Variants in ADCK1 observed in about 807,000 individuals in gnomAD.
ADCK1 encodes aarF domain containing kinase 1.
A neutral mutation model predicts 52.3 loss-of-function variants in ADCK1; 41 were observed. That is an observed-to-expected ratio of 0.78 (90% CI 0.61 to 1.02). The LOEUF (loss-of-function observed/expected upper bound fraction) is 1.02, where lower values mean the gene tolerates loss of function less well. Among genes scored for constraint, ADCK1 ranks in the 50% least tolerant of loss-of-function variants. ADCK1 has a pLI of 0.00. For missense variants in ADCK1, 658 were observed against 679.5 expected (o/e 0.97, Z 0.35); for synonymous variants, 250 against 274.6 (o/e 0.91, Z 0.89).
intron 3 of ADCK1, among the ~76,000 whole-genome samples, chr14:77,839,531 C>A (rs540779818): frequency 3.7e-4 from 56 of 152,224 alleles, no homozygotes; most frequent in African/African-American, 1.3e-3. Flanking sequence ...GTGACCCCAA[C>A]CCTCCCCGTG....
intron 4 of ADCK1, among the ~76,000 whole-genome samples, chr14:77,885,014 A>G (rs190003860): frequency 7.9e-5 from 12 of 152,346 alleles, no homozygotes; most frequent in South Asian, 2.1e-4. Context: ...AGTTGATTCA[A>G]TTCTTCTCCA....
intron 4 of ADCK1, among the ~76,000 whole-genome samples, chr14:77,870,835 C>T (rs538251383): frequency 6.6e-6 from 1 of 152,318 alleles, no homozygotes; most frequent in South Asian, 2.1e-4. Flanking sequence ...AACTCGTGGC[C>T]TTCCCTCTCT....
At chr14:77,914,212 C>T (rs10147707) in intron 7 of ADCK1, 18,413 of 164,374 alleles carry the variant, frequency 0.11, 1,138 homozygotes, top group Middle Eastern at 0.13. Context: ...CAGTAGCTCC[C>T]TGCAGCAAAC....
chr14:77,878,739 C>T (rs1428535057), intron 4 of ADCK1, among the ~76,000 whole-genome samples: 3 of 152,184 alleles, frequency 2.0e-5, no homozygotes, highest in Non-Finnish European at 4.4e-5. Context: ...ATCTCTGTTA[C>T]AGGCAGGGAC....
At chr14:77,846,233 A>G (rs2082171253) in intron 3 of ADCK1, among the ~76,000 whole-genome samples, 1 of 152,136 alleles carries the variant, frequency 6.6e-6, no homozygotes, top group African/African-American at 2.4e-5. Flanking sequence ...CTGGACTTCA[A>G]TAGCCAGCTG....
intron 3 of ADCK1, among the ~76,000 whole-genome samples, chr14:77,824,436 CTTTT>C (rs755099441): frequency 1.5e-5 from 2 of 133,956 alleles, no homozygotes; most frequent in Admixed American, 7.5e-5. Context: ...TTCTTTCTTT[CTTTT>C]TTTTTTTTTT....
chr14:77,924,333 C>A (rs143174043), intron 7 of ADCK1, 124 bp from the exon 8 acceptor site: 2 of 1,292,996 alleles, frequency 1.5e-6, no homozygotes, highest in South Asian at 1.5e-5. Flanking sequence ...CCCACCACAA[C>A]CGCTCCGGCC....
At chr14:77,914,619 G>A (rs2083874354) in intron 7 of ADCK1, 4 of 983,002 alleles carry the variant, frequency 4.1e-6, no homozygotes, top group Non-Finnish European at 4.8e-6. Context: ...TCAAAGTTAG[G>A]GCCCCTGAGA....
At chr14:77,867,715 CT>C (rs1311668527) in intron 4 of ADCK1, among the ~76,000 whole-genome samples, 3 of 152,212 alleles carry the variant, frequency 2.0e-5, no homozygotes, top group African/African-American at 4.8e-5. Flanking sequence ...GACCACTGCC[CT>C]CCTGCAGGCC....
chr14:77,808,741 A>G (rs2081279552), intron 1 of ADCK1, among the ~76,000 whole-genome samples: 1 of 151,962 alleles, frequency 6.6e-6, no homozygotes, highest in Non-Finnish European at 1.5e-5. Flanking sequence ...ACGCCTGGTT[A>G]ATTTTTGTAT....
At chr14:77,893,451 A>G (rs1052538217) in intron 5 of ADCK1, among the ~76,000 whole-genome samples, 1 of 151,992 alleles carries the variant, frequency 6.6e-6, no homozygotes, top group African/African-American at 2.4e-5. Flanking sequence ...TTATTTCTCC[A>G]GCTTCTGAAT....
intron 6 of ADCK1, among the ~76,000 whole-genome samples, chr14:77,906,325 T>A (rs902834717): frequency 2.0e-5 from 3 of 152,164 alleles, no homozygotes. Flanking sequence ...TCCTCACAAT[T>A]TGGGGGAAAC....
chr14:77,906,811 T>C (rs934398414), intron 6 of ADCK1, among the ~76,000 whole-genome samples: 2 of 152,130 alleles, frequency 1.3e-5, no homozygotes, highest in Non-Finnish European at 2.9e-5. Flanking sequence ...ATCAAGGAAA[T>C]AAAAACCTTC....
intron 3 of ADCK1, among the ~76,000 whole-genome samples, chr14:77,841,455 C>A (rs1227944435): frequency 1.3e-5 from 2 of 151,888 alleles, no homozygotes; most frequent in African/African-American, 2.4e-5. Context: ...AAAAAAAACT[C>A]TATATAAAAA....
At chr14:77,830,889 T>A (rs1282832781) in intron 3 of ADCK1, among the ~76,000 whole-genome samples, 1 of 152,108 alleles carries the variant, frequency 6.6e-6, no homozygotes, top group Non-Finnish European at 1.5e-5. Context: ...ATGTGTTTGT[T>A]TGGTTAGTTA....
At chr14:77,925,017 G>T (rs899232143) in intron 8 of ADCK1, among the ~76,000 whole-genome samples, 1 of 152,166 alleles carries the variant, frequency 6.6e-6, no homozygotes. Context: ...GGCAGCCAGT[G>T]GGGGCTGGAG....
intron 3 of ADCK1, among the ~76,000 whole-genome samples, chr14:77,843,503 G>C (rs571257717): frequency 6.6e-6 from 1 of 152,174 alleles, no homozygotes; most frequent in Non-Finnish European, 1.5e-5. Context: ...CTGGCAACTG[G>C]GTTCCCAAAT....
At chr14:77,841,674 C>CAAAAAAA (rs71128696) in intron 3 of ADCK1, among the ~76,000 whole-genome samples, 15 of 74,256 alleles carry the variant, frequency 2.0e-4, no homozygotes, top group Non-Finnish European at 2.4e-4. Context: ...ACTAAAAATA[C>CAAAAAAA]AAAAAAAAAA....
intron 5 of ADCK1, among the ~76,000 whole-genome samples, chr14:77,893,032 C>G (rs1176389985): frequency 6.6e-6 from 1 of 152,202 alleles, no homozygotes; most frequent in Non-Finnish European, 1.5e-5. Context: ...TTCAGTGAAT[C>G]TGATGGTGTC....
Sources: allele counts gnomAD v4.1 joint callset (sites outside exome capture counted in the v4.1 genomes callset), GRCh38; gene constraint gnomAD v4.1.1; transcripts MANE v1.5; gene names NCBI Gene and HGNC (gene_info 2026-07-23, HGNC 2026-07-21).